Variants in CDO1 observed in about 807,000 individuals in gnomAD.
CDO1 encodes cysteine dioxygenase type 1.
Under a neutral mutation model 24.5 loss-of-function variants are expected in CDO1, and 19 were observed. The observed-to-expected ratio is 0.77, with a 90% CI of 0.54 to 1.14. CDO1 has a LOEUF of 1.14. Ranked by LOEUF, CDO1 falls within the 50% of genes most tolerant of loss-of-function variation. The pLI is 0.00. For synonymous variants in CDO1, 91 were observed against 87.0 expected, an observed-to-expected ratio of 1.05 and a Z score of -0.26; for missense variants, 244 against 244.8, an observed-to-expected ratio of 1.00 and a Z score of 0.02.
In CDO1 at chr5:115,816,452, T is replaced by A; in HGVS notation, c.-55A>T. 6.3e-7 allele frequency: 1 copy of A among 1,593,544 alleles called. No homozygotes were observed. Reference sequence around the variant, plus strand: ...CACTGCTGGGCTGCGGTGGAGGAGCTGAGCGAGCCAAGGAGCTGGGGGCGA... The same window carrying A: ...CACTGCTGGGCTGCGGTGGAGGAGCAGAGCGAGCCAAGGAGCTGGGGGCGA... On this transcript the variant is annotated 5_prime_UTR_variant, in exon 1 of 5. Coordinates refer to ENST00000250535, the MANE Select transcript of CDO1 (RefSeq NM_001801.3).
chr5:115,814,669 G>A (rs1221235535), intron 1 of CDO1, among the ~76,000 whole-genome samples: 1 of 152,140 alleles, frequency 6.6e-6, no homozygotes, highest in African/African-American at 2.4e-5. Context: ...ACTAGTTCAA[G>A]GTCCTTGAAA....
intron 1 of CDO1, 131 bp downstream of exon 1, chr5:115,816,097 G>C: frequency 1.2e-6 from 1 of 837,428 alleles, no homozygotes; most frequent in Non-Finnish European, 1.8e-6. Context: ...TGGCCAGCGA[G>C]GGGGCGAGCG....
chr5:115,810,649 T>C (rs1292077552), intron 3 of CDO1, among the ~76,000 whole-genome samples: 1 of 152,198 alleles, frequency 6.6e-6, no homozygotes, highest in African/African-American at 2.4e-5. Flanking sequence ...AGTATTTGGC[T>C]ATCCCATATC....
In CDO1 at chr5:115,816,305, C is replaced by A; in HGVS notation, c.93G>T (p.Glu31Asp). The change falls in exon 1 of 5, where the codon GAG becomes GAT. Residue 31 changes from glutamate (E) to aspartate (D), a missense_variant. By Grantham distance (45) the Glu-to-Asp change is conservative. Transcript: ENST00000250535. ...QLFAGDEVNV[E>D]EVQAIMEAYE... The stretch of plus-strand genomic sequence containing the variant: ...AGGCTTCCATGATGGCCTGCACCTC[C>A]TCTACATTGACCTCATCGCCGGCAA... The A allele has an allele frequency of 6.2e-7, 1 of 1,614,206 alleles. No individual in the cohort carries two copies. The highest frequency in any genetic ancestry group is 8.5e-7 in the Non-Finnish European group (1 of 1,180,042).
intron 1 of CDO1, 93 bp downstream of exon 1, chr5:115,816,135 G>A (rs1036834567): frequency 2.8e-5 from 31 of 1,122,612 alleles, no homozygotes; most frequent in Admixed American, 7.1e-5. Context: ...CGAGCTTCCC[G>A]AGCCAGTCAC....
In CDO1 at chr5:115,816,385, C is replaced by A; in HGVS notation, c.13G>T (p.Glu5Ter). Residue 5 changes from glutamate (E) to a stop codon, truncating the protein, a stop_gained, in exon 1 of 5, where the codon GAA becomes TAA. Coordinates refer to ENST00000250535, the MANE Select transcript of CDO1 (RefSeq NM_001801.3). LOFTEE classifies it high-confidence loss of function. ...GCCAGGGTCCGTGGCTTCAGCACTT[C>A]GGTCTGTTCCATCTCGTGGGGAGCT... is the stretch of plus-strand genomic sequence containing the variant. MEQT[E>*]VLKPRTLADL... 1 of 1,613,290 alleles carries A rather than the reference C, an allele frequency of 6.2e-7. No individual in the cohort carries two copies. The highest frequency in any genetic ancestry group is 1.1e-5 in the South Asian group (1 of 91,066).
intron 3 of CDO1, 66 bp from the exon 4 acceptor site, chr5:115,806,584 T>G: frequency 2.6e-6 from 3 of 1,162,838 alleles, no homozygotes; most frequent in Non-Finnish European, 3.7e-6. Flanking sequence ...GTAAAATCTC[T>G]GTGAGTCATC....
intron 3 of CDO1, among the ~76,000 whole-genome samples, chr5:115,810,250 A>G (rs1295155269): frequency 6.6e-6 from 1 of 152,212 alleles, no homozygotes; most frequent in Non-Finnish European, 1.5e-5. Flanking sequence ...TCCTTGTGTT[A>G]TGTGAATGAG....
intron 4 of CDO1, 47 bp downstream of exon 4, chr5:115,806,302 C>G (rs1275037211): frequency 2.2e-6 from 3 of 1,377,624 alleles, no homozygotes; most frequent in Non-Finnish European, 3.0e-6. Flanking sequence ...TGCAGTGTAA[C>G]AGTGCCAACC....
chr5:115,808,220 T>C (rs150500156), intron 3 of CDO1, among the ~76,000 whole-genome samples: 1 of 152,204 alleles, frequency 6.6e-6, no homozygotes, highest in African/African-American at 2.4e-5. Context: ...CTCAAGCAAT[T>C]CTTCCATCTT....
At chr5:115,809,156 T>A (rs114683942) in intron 3 of CDO1, among the ~76,000 whole-genome samples, 1,527 of 152,280 alleles carry the variant, frequency 0.01, 34 homozygotes, top group African/African-American at 0.035. Context: ...TAATGCATGC[T>A]GACAATCCTG....
At chr5:115,810,433 AT>A (rs1173001942) in intron 3 of CDO1, among the ~76,000 whole-genome samples, 1 of 152,210 alleles carries the variant, frequency 6.6e-6, no homozygotes, top group East Asian at 1.9e-4. Context: ...AGGTTTTTCA[AT>A]CAAATTGCTT....
chr5:115,815,847 G>T (rs934120274), intron 1 of CDO1, among the ~76,000 whole-genome samples: 1 of 152,252 alleles, frequency 6.6e-6, no homozygotes, highest in Admixed American at 6.5e-5. Flanking sequence ...CGCGCCCGGG[G>T]TTAACGATGG....
intron 1 of CDO1, among the ~76,000 whole-genome samples, chr5:115,815,518 G>A (rs973091389): frequency 2.0e-5 from 3 of 152,204 alleles, no homozygotes; most frequent in African/African-American, 7.2e-5. Context: ...ACTTGGCAGT[G>A]GATTTGAATA....
rs201131720 is a variant in CDO1, at chr5:115,811,189, C to G, written c.375G>C (p.Leu125Phe). The change falls in exon 3 of 5, where the codon TTG becomes TTC. Residue 125 changes from leucine to phenylalanine, a missense_variant. Leu to Phe is a conservative substitution (Grantham distance 22). Coordinates refer to ENST00000250535, the MANE Select transcript of CDO1 (RefSeq NM_001801.3). ...NEMVKKSERVLRENQCAYIND... is the reference protein window; with the variant it reads ...NEMVKKSERVFRENQCAYIND... The stretch of plus-strand genomic sequence containing the variant: ...TGATGTAGGCACACTGGTTTTCCCT[C>G]AAGACTCTTTCAGACTTCTTGACCA... The G allele has an allele frequency of 6.2e-7, 1 of 1,613,834 alleles. No individual in the cohort carries two copies. The highest frequency in any genetic ancestry group is 8.5e-7 in the Non-Finnish European group (1 of 1,179,792).
intron 2 of CDO1, 29 bp downstream of exon 2, chr5:115,813,148 TAATA>T: frequency 8.1e-7 from 1 of 1,236,620 alleles, no homozygotes; most frequent in East Asian, 2.4e-5. Context: ...AAACATGCTC[TAATA>T]AATATCTGTG....
rs1199905849 is a variant in CDO1 at position 115,805,114 on chromosome 5, T to C, written c.*319A>G. 1 of 280,164 alleles carries C rather than the reference T, an allele frequency of 3.6e-6. No homozygotes were observed. Among genetic ancestry groups the C allele is most frequent in the African/African-American group, 2.2e-5 (1 of 45,466 alleles). The allele number at this position is 280,164 out of a possible 1,614,324, so 17.4% of individuals were successfully genotyped here. A position where few individuals can be genotyped will look rare whatever the true frequency, so the allele number is the denominator to read the frequency against. On this transcript the variant is annotated 3_prime_UTR_variant, in exon 5 of 5. Transcript: ENST00000250535. ...GCTAATTACAGTTCAGAGACCAAAG[T>C]ATTTCCAAAAGCTATGAAAACCCTC...
Position 115,805,323 on chromosome 5 carries a change from G to T in CDO1, c.*110C>A. 2.2e-6 allele frequency: 2 copies of T among 889,464 alleles called. No individual in the cohort carries two copies. The highest frequency in any genetic ancestry group is 3.6e-6 in the Non-Finnish European group (2 of 555,666). The allele number at this position is 889,464 out of a possible 1,614,324, so 55.1% of individuals were successfully genotyped here. A position where few individuals can be genotyped will look rare whatever the true frequency, so the allele number is the denominator to read the frequency against. On this transcript the variant is annotated 3_prime_UTR_variant, in exon 5 of 5. Coordinates refer to ENST00000250535, the MANE Select transcript of CDO1 (RefSeq NM_001801.3). The stretch of plus-strand genomic sequence containing the variant: ...AGCATCTGCCTTACAGTAGATCTAA[G>T]TATTGGCTTATTTAAGTATATTACT...
In CDO1 at chr5:115,811,042, T is replaced by C. The variant is rs940479003; in HGVS notation, c.403+119A>G. The C allele has an allele frequency of 3.3e-5, 32 of 959,586 alleles. No homozygotes were observed. In the African/African-American group the frequency reaches 4.9e-4, roughly 15 times the overall value. The allele number at this position is 959,586 out of a possible 1,614,324, so 59.4% of individuals were successfully genotyped here. The stretch of plus-strand genomic sequence containing the variant: ...TGCTATGTTTAAGTCATTTCCCAAG[T>C]ATTTTAAATCATGACTCATGATCCA... On this transcript the variant is annotated intron_variant, in intron 3 of 4. Coordinates refer to ENST00000250535, the MANE Select transcript of CDO1 (RefSeq NM_001801.3).
Sources: gnomAD v4.1 joint callset for allele counts (sites outside exome capture counted in the v4.1 genomes callset) on GRCh38, gnomAD v4.1.1 for gene constraint, MANE v1.5 for transcripts, NCBI Gene and HGNC (gene_info 2026-07-23, HGNC 2026-07-21) for gene names.